LMNTD1: variants seen among roughly 807,000 people sequenced by gnomAD.
The protein encoded by LMNTD1 is lamin tail domain containing 1.
Under a neutral mutation model 50.9 loss-of-function variants are expected in LMNTD1, and 35 were observed. The ratio of observed to expected loss-of-function variants is 0.69; its 90% CI spans 0.53 to 0.91. The LOEUF is 0.91. LMNTD1 is among the 40% of genes least tolerant of loss of function. The pLI is 0.00. For synonymous variants in LMNTD1, 153 were observed against 161.9 expected, an observed-to-expected ratio of 0.94 and a Z score of 0.42; for missense variants, 470 against 475.5, an observed-to-expected ratio of 0.99 and a Z score of 0.11.
At chr12:25,635,017 C>T (rs770718264) in intron 1 of LMNTD1, among the ~76,000 whole-genome samples, 6 of 152,038 alleles carry the variant, frequency 3.9e-5, no homozygotes, top group Non-Finnish European at 5.9e-5. Context: ...GAGGCCGTGG[C>T]TCACCTCAGG....
chr12:25,619,560 G>A (rs897323797), intron 1 of LMNTD1, among the ~76,000 whole-genome samples: 2 of 152,056 alleles, frequency 1.3e-5, no homozygotes, highest in African/African-American at 4.8e-5. Flanking sequence ...TGAAGTTTGA[G>A]AGAGTTTTCC....
At position 25,590,223 on chromosome 12, in the gene LMNTD1, A is replaced by C. The variant is rs1945654744; in HGVS notation, c.59-43669T>G. On this transcript the variant is annotated intron_variant, in intron 1 of 7. Transcript: ENST00000445693. ...ACTTCCTGGCAGCAGCAGTGTGGTG[A>C]GGAGAGTGTTTCAGTGTGCGTGGGA... Among the ~76,000 whole-genome samples the C allele has an allele frequency of 2.6e-5, 4 of 152,296 alleles. No individual in the cohort carries two copies. The South Asian group carries it at 8.3e-4, about 32-fold the overall frequency.
At chr12:25,548,597 T>G (rs566515277) in intron 3 of LMNTD1, among the ~76,000 whole-genome samples, 33 of 152,088 alleles carry the variant, frequency 2.2e-4, no homozygotes, top group African/African-American at 7.9e-4. Flanking sequence ...GAAAATGAGA[T>G]GCAGAGATGT....
rs1368236147 is a variant in LMNTD1 at position 25,526,152 on chromosome 12, TGTCTTG to T, written c.739_744del (p.Gln247_Asp248del). 1 of 1,610,906 alleles carries T rather than the reference TGTCTTG, an allele frequency of 6.2e-7. No homozygotes were observed. Among genetic ancestry groups the T allele is most frequent in the African/African-American group, 1.3e-5 (1 of 74,660 alleles). On this transcript the variant is annotated inframe_deletion, in exon 6 of 10. Transcript: ENST00000458174. ...ATACAATCAGGACTTGCTCTAAACT[TGTCTTG>T]TTCCTTCCAAAGAAAATCTGATGGA...
intron 9 of LMNTD1, among the ~76,000 whole-genome samples, chr12:25,482,404 T>A (rs904218920): frequency 6.6e-6 from 1 of 151,836 alleles, no homozygotes; most frequent in South Asian, 2.1e-4. Context: ...TCTACTTTCA[T>A]GAAGAAAAAA....
chr12:25,620,927 A>T (rs1052602551), intron 1 of LMNTD1, among the ~76,000 whole-genome samples: 2 of 152,194 alleles, frequency 1.3e-5, no homozygotes, highest in African/African-American at 4.8e-5. Context: ...AACTTTACAG[A>T]TGGAGAGAAA....
chr12:25,525,711 G>A (rs1941657135), intron 6 of LMNTD1, among the ~76,000 whole-genome samples: 1 of 152,030 alleles, frequency 6.6e-6, no homozygotes. Context: ...AATCGGGTGA[G>A]CTAAGAGGAT....
chr12:25,618,686 C>T (rs912850837), intron 1 of LMNTD1, among the ~76,000 whole-genome samples: 2 of 152,108 alleles, frequency 1.3e-5, no homozygotes, highest in Non-Finnish European at 2.9e-5. Context: ...AGAATTTACT[C>T]TATACTTGGT....
intron 4 of LMNTD1, among the ~76,000 whole-genome samples, chr12:25,527,672 A>ATATATTATATATATATATATATATAT (rs1941872808): frequency 4.7e-5 from 1 of 21,434 alleles, no homozygotes; most frequent in African/African-American, 1.1e-4. Context: ...ATATATATAT[A>ATATATTATATATATATATATATATAT]TATATATATA....
At chr12:25,561,161 TAG>T (rs1403323722) in intron 1 of LMNTD1, among the ~76,000 whole-genome samples, 1 of 152,226 alleles carries the variant, frequency 6.6e-6, no homozygotes, top group Non-Finnish European at 1.5e-5. Context: ...GCTCTGATCT[TAG>T]TTATTTCTTG....
chr12:25,546,067 G>T (rs535954675), intron 4 of LMNTD1, among the ~76,000 whole-genome samples: 1 of 151,596 alleles, frequency 6.6e-6, no homozygotes, highest in South Asian at 2.1e-4. Flanking sequence ...ATATATATTA[G>T]ATCCATCTAA....
At chr12:25,604,827 T>C (rs1946059838) in intron 1 of LMNTD1, among the ~76,000 whole-genome samples, 1 of 152,216 alleles carries the variant, frequency 6.6e-6, no homozygotes, top group African/African-American at 2.4e-5. Context: ...TGTGTCTTTA[T>C]AGAGGTATGA....
chr12:25,483,344 A>G (rs1166203507), intron 9 of LMNTD1, among the ~76,000 whole-genome samples: 1 of 151,822 alleles, frequency 6.6e-6, no homozygotes, highest in Non-Finnish European at 1.5e-5. Context: ...GGATTGCTTG[A>G]GTTCAGGGGT....
upstream of LMNTD1, among the ~76,000 whole-genome samples, chr12:25,556,025 T>G (rs1944028320): frequency 1.5e-5 from 2 of 134,476 alleles, no homozygotes; most frequent in Admixed American, 9.0e-5. Context: ...CAGGCTGGAG[T>G]GCAATGGTGC....
intron 9 of LMNTD1, among the ~76,000 whole-genome samples, chr12:25,488,977 G>C (rs376164256): frequency 3.0e-4 from 46 of 152,250 alleles, no homozygotes; most frequent in Middle Eastern, 3.4e-3. Flanking sequence ...AGGAGGCAGT[G>C]TGCCCGTTCT....
chr12:25,531,057 T>C (rs1382087835), intron 4 of LMNTD1, among the ~76,000 whole-genome samples: 1 of 152,174 alleles, frequency 6.6e-6, no homozygotes, highest in Non-Finnish European at 1.5e-5. Flanking sequence ...GGGAGTGGCC[T>C]TTTGAAGCTA....
chr12:25,490,337 A>C (rs1395413527), intron 9 of LMNTD1, among the ~76,000 whole-genome samples: 1 of 152,222 alleles, frequency 6.6e-6, no homozygotes, highest in African/African-American at 2.4e-5. Context: ...ACATTAAGTG[A>C]AGTTTAAACT....
rs140933992 is a variant in LMNTD1 at position 25,546,266 on chromosome 12, G to A, written c.491+108C>T. The A allele has an allele frequency of 8.1e-3, 4,465 of 549,180 alleles. 39 individuals are homozygous for A. Among genetic ancestry groups the A allele is most frequent in the African/African-American group, 0.032 (1,660 of 51,586 alleles). The allele number at this position is 549,180 out of a possible 1,614,324, so 34.0% of individuals were successfully genotyped here. ...GTTATATTTCAATGAACTGATTAGT[G>A]TTTTAGATAAAATAATGCATATAAC... is the stretch of plus-strand genomic sequence containing the variant. On this transcript the variant is annotated intron_variant, in intron 4 of 9. Transcript: ENST00000458174.
Position 25,578,502 on chromosome 12 carries a change from G to A in LMNTD1, c.59-31948C>T, listed in dbSNP as rs770022345. Among the ~76,000 whole-genome samples the A allele has an allele frequency of 3.3e-4, 50 of 152,186 alleles. 1 individual carries two copies. Among genetic ancestry groups the A allele is most frequent in the Admixed American group, 1.3e-4 (2 of 15,282 alleles). ...GTGATTTGAGATACAGTCACACAAT[G>A]TATTACATATGTATGTGAATCAGTT... On this transcript the variant is annotated intron_variant, in intron 1 of 7. Coordinates refer to the LMNTD1 transcript ENST00000445693.
Sources: allele counts gnomAD v4.1 joint callset (sites outside exome capture counted in the v4.1 genomes callset), GRCh38; gene constraint gnomAD v4.1.1; transcripts MANE v1.5; gene names NCBI Gene and HGNC (gene_info 2026-07-23, HGNC 2026-07-21).